Variants in ITCH observed in about 807,000 individuals in gnomAD.
The protein encoded by ITCH is E3 ubiquitin-protein ligase Itchy homolog.
In ITCH, 28 loss-of-function variants were observed where a neutral mutation model predicts 126.8. The observed-to-expected ratio is 0.22, with a 90% confidence interval of 0.16 to 0.30. ITCH has a LOEUF of 0.30. Ranked by LOEUF, ITCH falls within the 10% of genes least tolerant of loss-of-function variation. The pLI, the probability that ITCH is intolerant of heterozygous loss-of-function variation, is 1.00. For missense variants in ITCH, 631 were observed against 1,032.4 expected (o/e 0.61, Z 5.33); for synonymous variants, 342 against 340.0 (o/e 1.01, Z -0.06).
At chr20:34,484,305 T>C (rs1172839578) in intron 20 of ITCH, among the ~76,000 whole-genome samples, 1 of 152,252 alleles carries the variant, frequency 6.6e-6, no homozygotes, top group Non-Finnish European at 1.5e-5. Flanking sequence ...AAATTTTGCA[T>C]ATTTACTTCT....
chr20:34,442,192 T>A lies in ITCH; in HGVS notation c.870-16T>A, dbSNP rs767865702. The A allele has an allele frequency of 3.1e-6, 5 of 1,599,346 alleles. No homozygotes were observed. The highest frequency in any genetic ancestry group is 3.4e-6 in the Non-Finnish European group (4 of 1,166,684). On this transcript the variant is annotated splice_polypyrimidine_tract_variant and intron_variant, in intron 9 of 24. Transcript: ENST00000374864. ...TCATGCAAGTATTTTACCAGCCTTT[T>A]AATTTTGTATTTAAGTTGGGAGCAG...
rs149776165 is a variant in ITCH, at chr20:34,423,090, C to T, written c.476-1390C>T. 4.0e-3 allele frequency among the ~76,000 whole-genome samples: 606 copies of T among 152,176 alleles called. 2 individuals are homozygous for T. Among genetic ancestry groups the T allele is most frequent in the African/African-American group, 0.014 (563 of 41,486 alleles). Reference sequence around the variant, plus strand: ...GATTACAGGTGTGAGCCACCACGCCCGGCCTCTATTTTTTATCTCTAAAAA... The same window carrying T: ...GATTACAGGTGTGAGCCACCACGCCTGGCCTCTATTTTTTATCTCTAAAAA... On this transcript the variant is annotated intron_variant, in intron 6 of 24. Coordinates refer to ENST00000374864, the MANE Select transcript of ITCH (RefSeq NM_031483.7).
At chr20:34,398,634 G>T (rs2038760530) in intron 3 of ITCH, among the ~76,000 whole-genome samples, 1 of 152,044 alleles carries the variant, frequency 6.6e-6, no homozygotes, top group African/African-American at 2.4e-5. Flanking sequence ...CCTGACCTCA[G>T]GTGATCCACC....
chr20:34,381,998 G>T (rs926779577), intron 2 of ITCH, among the ~76,000 whole-genome samples: 1 of 151,968 alleles, frequency 6.6e-6, no homozygotes, highest in Non-Finnish European at 1.5e-5. Flanking sequence ...ATCTTTCTTA[G>T]ATTTCCATTT....
At chr20:34,498,988 T>C (rs1490931073) in intron 23 of ITCH, among the ~76,000 whole-genome samples, 1 of 151,782 alleles carries the variant, frequency 6.6e-6, no homozygotes, top group Non-Finnish European at 1.5e-5. Flanking sequence ...TTTTTTTTTT[T>C]TCTTGAGACA....
At chr20:34,376,413 A>G (rs2037847401) in intron 2 of ITCH, among the ~76,000 whole-genome samples, 2 of 151,756 alleles carry the variant, frequency 1.3e-5, no homozygotes, top group Non-Finnish European at 2.9e-5. Flanking sequence ...ATGTCACTGC[A>G]CTCTAGTCTG....
chr20:34,420,114 A>G (rs1192325532), intron 6 of ITCH, among the ~76,000 whole-genome samples: 1 of 152,238 alleles, frequency 6.6e-6, no homozygotes, highest in African/African-American at 2.4e-5. Flanking sequence ...TGAAATTTAC[A>G]TAACATACAA....
chr20:34,413,634 A>T, intron 5 of ITCH, 108 bp from the exon 6 acceptor site: 1 of 979,332 alleles, frequency 1.0e-6, no homozygotes, highest in Non-Finnish European at 1.5e-6. Context: ...ATGCACATAT[A>T]GTTATATTTT....
chr20:34,418,027 T>C (rs1980188874), intron 6 of ITCH, among the ~76,000 whole-genome samples: 1 of 148,534 alleles, frequency 6.7e-6, no homozygotes, highest in Non-Finnish European at 1.5e-5. Context: ...AGTGCAATGG[T>C]GTCATCTTGG....
intron 2 of ITCH, among the ~76,000 whole-genome samples, chr20:34,373,810 C>A (rs2037732881): frequency 6.6e-6 from 1 of 152,156 alleles, no homozygotes; most frequent in Non-Finnish European, 1.5e-5. Flanking sequence ...TACTAACTTG[C>A]TTGCTTTCTG....
chr20:34,365,122 T>G (rs1371331434), intron 1 of ITCH, among the ~76,000 whole-genome samples: 2 of 151,676 alleles, frequency 1.3e-5, no homozygotes, highest in Non-Finnish European at 2.9e-5. Context: ...ATCACCTGAT[T>G]CCGGGGGGTC....
intron 2 of ITCH, among the ~76,000 whole-genome samples, chr20:34,371,233 A>T (rs187338167): frequency 5.3e-4 from 78 of 148,200 alleles, no homozygotes; most frequent in African/African-American, 1.9e-3. Context: ...ATGATCCAGC[A>T]TTGCCACTTT....
intron 23 of ITCH, among the ~76,000 whole-genome samples, chr20:34,502,010 A>G (rs532163822): frequency 6.6e-6 from 1 of 152,320 alleles, no homozygotes; most frequent in African/African-American, 2.4e-5. Context: ...CTATAGGCCA[A>G]GGCTCTAACA....
At chr20:34,399,733 C>T (rs745371332) in intron 3 of ITCH, among the ~76,000 whole-genome samples, 2 of 151,642 alleles carry the variant, frequency 1.3e-5, no homozygotes, top group African/African-American at 4.8e-5. Flanking sequence ...CCCAGCTACT[C>T]GGGAGGCTGA....
chr20:34,446,699 G>A (rs1984512557), intron 11 of ITCH, among the ~76,000 whole-genome samples: 1 of 151,800 alleles, frequency 6.6e-6, no homozygotes, highest in Non-Finnish European at 1.5e-5. Flanking sequence ...GGTATGCCTG[G>A]CCAAATTTCT....
chr20:34,369,740 T>C (rs1264190033), intron 2 of ITCH, among the ~76,000 whole-genome samples: 8 of 152,224 alleles, frequency 5.3e-5, no homozygotes, highest in Admixed American at 4.6e-4. Context: ...TTGTGTTGTT[T>C]TATACACGTT....
At chr20:34,364,418 T>A (rs2037329004) in intron 1 of ITCH, among the ~76,000 whole-genome samples, 1 of 152,152 alleles carries the variant, frequency 6.6e-6, no homozygotes, top group Non-Finnish European at 1.5e-5. Flanking sequence ...CTGCATCTTT[T>A]CCTGATAGAA....
chr20:34,440,690 T>G (rs1023942978), intron 9 of ITCH, among the ~76,000 whole-genome samples: 5 of 151,902 alleles, frequency 3.3e-5, no homozygotes. Context: ...TGACCTCAAG[T>G]GATCCGACCA....
In ITCH at chr20:34,509,653, A is replaced by G. The variant is rs1175432803; in HGVS notation, c.*1859A>G. On this transcript the variant is annotated 3_prime_UTR_variant, in exon 25 of 25. Coordinates refer to ENST00000374864, the MANE Select transcript of ITCH (RefSeq NM_031483.7). ...CCCCAGGAAATACTGTGTGGTTTCT[A>G]AAAGCCCTGGTTGTTAAAAGTAGGG... is the stretch of plus-strand genomic sequence containing the variant. 6.6e-6 allele frequency: 1 copy of G among 152,566 alleles called. No individual in the cohort carries two copies. Among genetic ancestry groups the G allele is most frequent in the Non-Finnish European group, 1.5e-5 (1 of 68,030 alleles). 9.5% of individuals were successfully genotyped at this position (152,566 alleles called of 1,614,324 possible).
Sources: gnomAD v4.1 joint callset for allele counts (sites outside exome capture counted in the v4.1 genomes callset) on GRCh38, gnomAD v4.1.1 for gene constraint, MANE v1.5 for transcripts, NCBI Gene and HGNC (gene_info 2026-07-23, HGNC 2026-07-21) for gene names.